CAMK2A: variants seen among roughly 807,000 people sequenced by gnomAD.
The protein encoded by CAMK2A is calcium/calmodulin dependent protein kinase II alpha, also known as calcium/calmodulin-dependent protein kinase type II subunit alpha.
A neutral mutation model predicts 79.2 loss-of-function variants in CAMK2A; 7 were observed. That is an observed-to-expected ratio of 0.09 (90% CI 0.05 to 0.17). The LOEUF is 0.17. CAMK2A is among the 10% of genes least tolerant of loss of function. CAMK2A has a pLI of 1.00. For missense variants in CAMK2A, 214 were observed against 646.4 expected, an observed-to-expected ratio of 0.33 and a Z score of 7.25; for synonymous variants, 242 against 251.7, an observed-to-expected ratio of 0.96 and a Z score of 0.36.
At chr5:150,263,432 A>T in intron 3 of CAMK2A, among the ~76,000 whole-genome samples, 1 of 151,654 alleles carries the variant, frequency 6.6e-6, no homozygotes, top group Non-Finnish European at 1.5e-5. Context: ...GCACATTCAC[A>T]CACACATTCA....
At chr5:150,264,897 G>T in intron 3 of CAMK2A, 59 bp downstream of exon 3, 1 of 1,349,336 alleles carries the variant, frequency 7.4e-7, no homozygotes, top group Non-Finnish European at 1.1e-6. Context: ...CCACGTGCCA[G>T]GGTGGGCAGG....
chr5:150,224,854 G>A (rs150567350), intron 17 of CAMK2A, among the ~76,000 whole-genome samples: 239 of 55,836 alleles, frequency 4.3e-3, no homozygotes, highest in Admixed American at 5.8e-3. Context: ...TGAAAAAAAC[G>A]CAGTGGAATC....
chr5:150,257,079 G>C (rs1008664834), intron 4 of CAMK2A, among the ~76,000 whole-genome samples: 2 of 152,122 alleles, frequency 1.3e-5, no homozygotes, highest in African/African-American at 2.4e-5. Context: ...AACCCAGGCT[G>C]GAGTCCGGAG....
At position 150,251,780 on chromosome 5, in the gene CAMK2A, C is replaced by T; in HGVS notation, c.663G>A (p.Leu221=). 1 of 1,609,594 alleles carries T rather than the reference C, an allele frequency of 6.2e-7. No homozygotes were observed. Among genetic ancestry groups the T allele is most frequent in the Non-Finnish European group, 8.5e-7 (1 of 1,177,810 alleles). ...PPFWDEDQHR[L]YQQIKAGAYD... ...AGGCGCCGGCTTTGATCTGCTGGTA[C>T]AGGCGGTGCTGGTCCTCATCCCAGA... The change falls in exon 9 of 19, where the codon CTG becomes CTA. Residue 221 remains leucine, a synonymous_variant. Transcript: ENST00000671881.
intron 1 of CAMK2A, 114 bp downstream of exon 1, chr5:150,289,450 C>G (rs1255982710): frequency 3.6e-6 from 3 of 823,504 alleles, no homozygotes; most frequent in African/African-American, 1.7e-5. Flanking sequence ...ATGCAGCCTG[C>G]CTTCATCTGT....
intron 14 of CAMK2A, among the ~76,000 whole-genome samples, 197 bp from the exon 15 acceptor site, chr5:150,238,945 G>A (rs999231811): frequency 3.3e-5 from 5 of 152,202 alleles, no homozygotes; most frequent in East Asian, 3.8e-4. Flanking sequence ...GCCAGGGGCC[G>A]GGTGGGGGAA....
At chr5:150,251,908 A>G in intron 8 of CAMK2A, 64 bp from the exon 9 acceptor site, 1 of 1,546,478 alleles carries the variant, frequency 6.5e-7, no homozygotes, top group African/African-American at 1.4e-5. Context: ...GAGGGGAGTG[A>G]TGGGAAAGGA....
chr5:150,228,797 G>C (rs1754717329), intron 16 of CAMK2A, among the ~76,000 whole-genome samples: 1 of 152,214 alleles, frequency 6.6e-6, no homozygotes, highest in Admixed American at 6.5e-5. Flanking sequence ...TTTCTAATTT[G>C]AACAAAGGTG....
intron 2 of CAMK2A, 26 bp downstream of exon 2, chr5:150,273,038 TG>T: frequency 6.4e-7 from 1 of 1,560,014 alleles, no homozygotes; most frequent in Non-Finnish European, 8.8e-7. Flanking sequence ...CCCTGGAGGG[TG>T]GGCAGGGTAG....
At chr5:150,263,662 T>G (rs1371218396) in intron 3 of CAMK2A, among the ~76,000 whole-genome samples, 1 of 151,888 alleles carries the variant, frequency 6.6e-6, no homozygotes, top group African/African-American at 2.4e-5. Flanking sequence ...CTCCACACAC[T>G]CTCACACACT....
In CAMK2A at chr5:150,264,935, C is replaced by T. The variant is rs748258283; in HGVS notation, c.217+21G>A. ...AGCAGGGCCTGGCTCCCCTGCGCCC[C>T]TCTCATCCCACAAGGCTCACCGATG... On this transcript the variant is annotated intron_variant, in intron 3 of 18. Coordinates refer to ENST00000671881, the MANE Select transcript of CAMK2A (RefSeq NM_015981.4). 22 of 1,610,674 alleles carry T rather than the reference C, an allele frequency of 1.4e-5. No individual in the cohort carries two copies. In the South Asian group the frequency reaches 2.4e-4, roughly 18 times the overall value.
At chr5:150,262,263 T>G (rs1756333047) in intron 3 of CAMK2A, among the ~76,000 whole-genome samples, 1 of 152,226 alleles carries the variant, frequency 6.6e-6, no homozygotes, top group South Asian at 2.1e-4. Flanking sequence ...TAACCTTGTC[T>G]AGATTGGCCA....
intron 15 of CAMK2A, 106 bp downstream of exon 15, chr5:150,238,594 T>A: frequency 1.8e-6 from 2 of 1,097,744 alleles, no homozygotes; most frequent in Non-Finnish European, 2.7e-6. Flanking sequence ...TCTCTGTAGA[T>A]GAGCAAGAAA....
chr5:150,266,706 T>C (rs1756526902), intron 2 of CAMK2A, among the ~76,000 whole-genome samples: 1 of 152,074 alleles, frequency 6.6e-6, no homozygotes, highest in Admixed American at 6.5e-5. Context: ...GGCTATACTG[T>C]TCTCTGTGCC....
chr5:150,245,274 G>A, intron 12 of CAMK2A, 73 bp from the exon 13 acceptor site: 1 of 1,435,280 alleles, frequency 7.0e-7, no homozygotes, highest in Non-Finnish European at 9.8e-7. Context: ...AGGACGAGCA[G>A]CATCCACACG....
intron 2 of CAMK2A, among the ~76,000 whole-genome samples, chr5:150,269,642 C>T (rs1003849994): frequency 6.6e-6 from 1 of 152,114 alleles, no homozygotes; most frequent in Non-Finnish European, 1.5e-5. Context: ...ACGTGAGCCA[C>T]CAAACCCAGC....
chr5:150,276,608 A>C, intron 1 of CAMK2A, among the ~76,000 whole-genome samples: 1 of 152,176 alleles, frequency 6.6e-6, no homozygotes, highest in East Asian at 1.9e-4. Context: ...CAAAAGCCCT[A>C]TGAGAAAGAA....
chr5:150,263,390 T>TCA (rs201566591), intron 3 of CAMK2A, among the ~76,000 whole-genome samples: 48 of 149,550 alleles, frequency 3.2e-4, no homozygotes, highest in African/African-American at 8.8e-4. Flanking sequence ...ACACAGACAT[T>TCA]CACACACACA....
At chr5:150,253,697 C>T in intron 6 of CAMK2A, 151 bp from the exon 7 acceptor site, 1 of 650,606 alleles carries the variant, frequency 1.5e-6, no homozygotes. Context: ...CCGCCTCAGG[C>T]TCCTGAGTCT....
Sources: allele counts gnomAD v4.1 joint callset (sites outside exome capture counted in the v4.1 genomes callset), GRCh38; gene constraint gnomAD v4.1.1; transcripts MANE v1.5; gene names NCBI Gene and HGNC (gene_info 2026-07-23, HGNC 2026-07-21).